The following MAGI2 variants were observed in gnomAD, a reference collection of about 807,000 sequenced individuals.
MAGI2 encodes membrane-associated guanylate kinase, WW and PDZ domain-containing protein 2.
A neutral mutation model predicts 133.3 loss-of-function variants in MAGI2; 35 were observed. The observed-to-expected ratio is 0.26, with a 90% CI of 0.20 to 0.35. The LOEUF (loss-of-function observed/expected upper bound fraction) is 0.35, where lower values mean the gene tolerates loss of function less well. Among genes scored for constraint, MAGI2 ranks in the 10% least tolerant of loss-of-function variants. The probability of loss-of-function intolerance (pLI) is 1.00; values close to 1 mark genes in which losing one functional copy is unlikely to be tolerated. For synonymous variants in MAGI2, 729 were observed against 710.6 expected, an observed-to-expected ratio of 1.03 and a Z score of -0.41; for missense variants, 1,636 against 1,863.4, an observed-to-expected ratio of 0.88 and a Z score of 2.25.
At chr7:79,401,026 A>G (rs1845434543) in intron 1 of MAGI2, among the ~76,000 whole-genome samples, 1 of 152,160 alleles carries the variant, frequency 6.6e-6, no homozygotes, top group South Asian at 2.1e-4. Flanking sequence ...AAAGTCACAT[A>G]ATCCTAGGAT....
intron 1 of MAGI2, among the ~76,000 whole-genome samples, chr7:79,289,712 C>T (rs1220992946): frequency 6.6e-6 from 1 of 152,102 alleles, no homozygotes; most frequent in Non-Finnish European, 1.5e-5. Context: ...TCGAGATAAT[C>T]TCACTAGAAA....
In MAGI2 at chr7:79,186,227, TATATATATATA is replaced by T. The variant is rs1562973125; in HGVS notation, c.302-179032_302-179022del. Among the ~76,000 whole-genome samples, 873 of 136,442 alleles carry T rather than the reference TATATATATATA, an allele frequency of 6.4e-3. 17 individuals carry two copies. The highest frequency in any genetic ancestry group is 0.023 in the African/African-American group (829 of 35,760). The allele number at this position is 136,442 out of a possible 152,430, so 89.5% of individuals were successfully genotyped here. The stretch of plus-strand genomic sequence containing the variant: ...ATATATATATATATATATATATATA[TATATATATATA>T]TATATTTATATTTATTTATTTATAA... On this transcript the variant is annotated intron_variant, in intron 1 of 21. Coordinates refer to ENST00000354212, the MANE Select transcript of MAGI2 (RefSeq NM_012301.4).
intron 1 of MAGI2, among the ~76,000 whole-genome samples, chr7:79,150,567 A>G (rs968530415): frequency 6.6e-6 from 1 of 152,194 alleles, no homozygotes; most frequent in Non-Finnish European, 1.5e-5. Context: ...ATATTTAATC[A>G]CATAAATAAT....
intron 1 of MAGI2, among the ~76,000 whole-genome samples, chr7:79,297,243 G>C (rs1231955126): frequency 6.6e-6 from 1 of 152,118 alleles, no homozygotes; most frequent in African/African-American, 2.4e-5. Context: ...AAATGTAAAA[G>C]ATGTAATTTT....
intron 3 of MAGI2, chr7:78,615,772 CTT>C (rs1251902629): frequency 3.3e-5 from 5 of 152,170 alleles, no homozygotes; most frequent in Non-Finnish European, 5.9e-5. Context: ...TCGTTTAAAA[CTT>C]TTTGTTTATT....
chr7:78,234,477 A>G (rs1452010399), intron 10 of MAGI2, among the ~76,000 whole-genome samples: 1 of 152,172 alleles, frequency 6.6e-6, no homozygotes. Flanking sequence ...GGCAATCTGC[A>G]TAACTTTCAT....
chr7:78,192,909 G>A (rs1011365343), intron 12 of MAGI2, among the ~76,000 whole-genome samples: 3 of 152,110 alleles, frequency 2.0e-5, no homozygotes, highest in Admixed American at 6.5e-5. Flanking sequence ...GAGGTGGGGA[G>A]TCAGGATGTT....
chr7:79,179,756 C>T (rs1317394613), intron 1 of MAGI2, among the ~76,000 whole-genome samples: 2 of 151,874 alleles, frequency 1.3e-5, no homozygotes, highest in Non-Finnish European at 2.9e-5. Context: ...TTGTCTGTGA[C>T]CATATACAAC....
chr7:79,054,491 T>C (rs1469974074), intron 1 of MAGI2, among the ~76,000 whole-genome samples: 1 of 152,168 alleles, frequency 6.6e-6, no homozygotes, highest in Non-Finnish European at 1.5e-5. Flanking sequence ...AACAAACTTG[T>C]TTCCTTTTGG....
chr7:78,729,727 T>C lies in MAGI2; in HGVS notation c.419-102488A>G, dbSNP rs1379210777. Among the ~76,000 whole-genome samples, 9 of 152,322 alleles carry C rather than the reference T, an allele frequency of 5.9e-5. No individual in the cohort carries two copies. In the South Asian group the frequency reaches 1.9e-3, roughly 32 times the overall value. ...CAGATGCCAGTAAGTGTTTGAGCCA[T>C]AGGACTCCTTTTATTCTGAACATAC... On this transcript the variant is annotated intron_variant, in intron 2 of 21. Transcript: ENST00000354212.
intron 1 of MAGI2, among the ~76,000 whole-genome samples, chr7:79,240,014 C>T (rs1044417945): frequency 2.0e-4 from 31 of 152,184 alleles, no homozygotes; most frequent in African/African-American, 7.5e-4. Flanking sequence ...ATCCTTTCAA[C>T]ATCCTCTTAC....
intron 2 of MAGI2, among the ~76,000 whole-genome samples, chr7:78,945,340 T>A (rs1801332756): frequency 6.6e-6 from 1 of 152,218 alleles, no homozygotes; most frequent in Non-Finnish European, 1.5e-5. Context: ...GGATTACAGG[T>A]GTGAGCTGCC....
chr7:79,209,138 T>C (rs762206252), intron 1 of MAGI2, among the ~76,000 whole-genome samples: 2 of 151,982 alleles, frequency 1.3e-5, no homozygotes, highest in Non-Finnish European at 2.9e-5. Flanking sequence ...TAATACGTTG[T>C]ATTCTTAAAA....
At chr7:78,167,830 ATT>A in intron 15 of MAGI2, 84 bp downstream of exon 15, 1 of 1,228,768 alleles carries the variant, frequency 8.1e-7, no homozygotes, top group Non-Finnish European at 1.1e-6. Flanking sequence ...TGGATTTAAA[ATT>A]TTGTTTCATG....
chr7:78,647,757 G>A (rs892259755), intron 2 of MAGI2, among the ~76,000 whole-genome samples: 1 of 152,054 alleles, frequency 6.6e-6, no homozygotes. Flanking sequence ...AAATGTCCAT[G>A]AATAATAGAC....
At chr7:79,056,943 A>G (rs966579618) in intron 1 of MAGI2, among the ~76,000 whole-genome samples, 5 of 152,268 alleles carry the variant, frequency 3.3e-5, no homozygotes, top group African/African-American at 1.2e-4. Flanking sequence ...TTTCCTTCTT[A>G]AGAAGTGAAA....
intron 6 of MAGI2, among the ~76,000 whole-genome samples, chr7:78,434,901 TGCTGGCTG>T (rs890316689): frequency 6.6e-6 from 1 of 152,230 alleles, no homozygotes; most frequent in Middle Eastern, 3.4e-3. Flanking sequence ...ATGAGGGAGT[TGCTGGCTG>T]GCTGGCTGGC....
At chr7:79,407,796 A>C (rs1845906802) in intron 1 of MAGI2, among the ~76,000 whole-genome samples, 1 of 151,920 alleles carries the variant, frequency 6.6e-6, no homozygotes, top group South Asian at 2.1e-4. Context: ...ATTCTGAGTT[A>C]GTTTTGAAAA....
intron 9 of MAGI2, among the ~76,000 whole-genome samples, chr7:78,281,132 T>C (rs1004572939): frequency 8.5e-5 from 13 of 152,160 alleles, no homozygotes; most frequent in African/African-American, 2.4e-4. Context: ...ATTTTTAGTC[T>C]GAGATCCTTT....
Sources: gnomAD v4.1 joint callset for allele counts (sites outside exome capture counted in the v4.1 genomes callset) on GRCh38, gnomAD v4.1.1 for gene constraint, MANE v1.5 for transcripts, NCBI Gene and HGNC (gene_info 2026-07-23, HGNC 2026-07-21) for gene names.